Variants in MAPK10 observed in about 807,000 individuals in gnomAD.
MAPK10 encodes the protein JNK3 alpha protein kinase.
MAPK10 carries 25 observed loss-of-function variants against 59.3 expected under a neutral mutation model. That is an observed-to-expected ratio of 0.42 (90% CI 0.31 to 0.59). The LOEUF (loss-of-function observed/expected upper bound fraction) is 0.59, where lower values mean the gene tolerates loss of function less well. Ranked by LOEUF, MAPK10 falls within the 20% of genes least tolerant of loss-of-function variation. The pLI is 0.15. For missense variants in MAPK10, 351 were observed against 568.9 expected, an observed-to-expected ratio of 0.62 and a Z score of 3.90; for synonymous variants, 190 against 200.5, an observed-to-expected ratio of 0.95 and a Z score of 0.44.
intron 2 of MAPK10, among the ~76,000 whole-genome samples, chr4:86,246,311 G>A (rs766141736): frequency 6.6e-6 from 1 of 151,898 alleles, no homozygotes; most frequent in African/African-American, 2.4e-5. Context: ...GGTACCTGTG[G>A]TCCCAGCTAC....
intron 1 of MAPK10, among the ~76,000 whole-genome samples, chr4:86,389,380 T>C (rs1406762436): frequency 6.6e-6 from 1 of 152,234 alleles, no homozygotes; most frequent in African/African-American, 2.4e-5. Flanking sequence ...AATGGATTAA[T>C]ACAATATGAT....
chr4:86,292,620 G>T (rs1027922977), intron 2 of MAPK10, among the ~76,000 whole-genome samples: 1 of 152,184 alleles, frequency 6.6e-6, no homozygotes, highest in Non-Finnish European at 1.5e-5. Context: ...TACTCAGAAG[G>T]CAGAGAGAGT....
chr4:86,579,885 C>A (rs892233982), intron 1 of MAPK10, among the ~76,000 whole-genome samples: 1 of 152,142 alleles, frequency 6.6e-6, no homozygotes, highest in African/African-American at 2.4e-5. Flanking sequence ...ACGATCACAG[C>A]TCACTGTAAC....
At chr4:86,206,202 C>A (rs1393068156) in intron 2 of MAPK10, among the ~76,000 whole-genome samples, 2 of 151,794 alleles carry the variant, frequency 1.3e-5, no homozygotes, top group Non-Finnish European at 2.9e-5. Context: ...CCCGTCCCCC[C>A]ACCTCGCAAC....
intron 9 of MAPK10, among the ~76,000 whole-genome samples, chr4:86,086,931 A>G (rs968751763): frequency 3.9e-5 from 6 of 152,204 alleles, no homozygotes; most frequent in Non-Finnish European, 8.8e-5. Context: ...ATCAGAAGAC[A>G]TACTTTAGAA....
intron 2 of MAPK10, among the ~76,000 whole-genome samples, chr4:86,330,063 G>T (rs1232248499): frequency 6.6e-6 from 1 of 152,146 alleles, no homozygotes; most frequent in East Asian, 1.9e-4. Context: ...ATGAGTGTGT[G>T]TACACATGTG....
chr4:86,056,455 T>C (rs1010308468), intron 11 of MAPK10, among the ~76,000 whole-genome samples: 4 of 150,138 alleles, frequency 2.7e-5, no homozygotes, highest in African/African-American at 7.5e-5. Context: ...ATAAGTCTAT[T>C]CTTCACCATG....
intron 1 of MAPK10, among the ~76,000 whole-genome samples, chr4:86,486,934 A>G (rs147203783): frequency 9.2e-5 from 14 of 152,334 alleles, no homozygotes; most frequent in African/African-American, 2.6e-4. Flanking sequence ...ATGCAGCAAG[A>G]AAGGCACGAT....
intron 1 of MAPK10, among the ~76,000 whole-genome samples, chr4:86,464,415 CT>C (rs1285241292): frequency 6.6e-5 from 10 of 152,188 alleles, no homozygotes; most frequent in Non-Finnish European, 1.2e-4. Context: ...ATTTCTGATT[CT>C]TCACACGTGG....
At chr4:86,332,000 C>T (rs1403305490) in intron 2 of MAPK10, among the ~76,000 whole-genome samples, 1 of 152,100 alleles carries the variant, frequency 6.6e-6, no homozygotes, top group Non-Finnish European at 1.5e-5. Flanking sequence ...ATTCCCTTTA[C>T]ATTTTTAATG....
chr4:86,083,740 A>C (rs1260972266), intron 9 of MAPK10, among the ~76,000 whole-genome samples: 3 of 152,118 alleles, frequency 2.0e-5, no homozygotes, highest in Non-Finnish European at 4.4e-5. Context: ...GGGTGCTGGC[A>C]TCACCCCTCC....
At chr4:86,403,377 G>A (rs185389886) in intron 1 of MAPK10, among the ~76,000 whole-genome samples, 11 of 152,238 alleles carry the variant, frequency 7.2e-5, no homozygotes, top group Non-Finnish European at 1.3e-4. Flanking sequence ...TTAGCTGGGC[G>A]TGGTGGCACC....
intron 1 of MAPK10, among the ~76,000 whole-genome samples, chr4:86,568,466 A>T (rs182643425): frequency 3.3e-5 from 5 of 152,264 alleles, no homozygotes; most frequent in Admixed American, 3.3e-4. Context: ...AAAAATAAAA[A>T]CGGCCCAAGT....
intron 2 of MAPK10, among the ~76,000 whole-genome samples, chr4:86,265,665 G>C (rs891117332): frequency 1.6e-5 from 2 of 126,568 alleles, no homozygotes; most frequent in Non-Finnish European, 3.1e-5. Flanking sequence ...GCTTTGTTTC[G>C]GGCAGTAAGA....
chr4:86,570,347 A>C (rs531904730), intron 1 of MAPK10, among the ~76,000 whole-genome samples: 2 of 152,334 alleles, frequency 1.3e-5, no homozygotes, highest in African/African-American at 4.8e-5. Context: ...TATTACAGAT[A>C]AATCTGATGA....
At position 86,553,086 on chromosome 4, in the gene MAPK10, G is replaced by C. The variant is rs72665748; in HGVS notation, c.-263+40824C>G. ...TGAAAACTTTTTTCAACAAAAATAGGATGCTGACAGACATGGCTTTTTGAA... is the reference window on the plus strand; with the variant it reads ...TGAAAACTTTTTTCAACAAAAATAGCATGCTGACAGACATGGCTTTTTGAA... On this transcript the variant is annotated intron_variant, in intron 1 of 4. Transcript: ENST00000502302. Among the ~76,000 whole-genome samples the C allele has an allele frequency of 7.7e-3, 1,168 of 152,256 alleles. 4 individuals carry two copies. Among genetic ancestry groups the C allele is most frequent in the Non-Finnish European group, 0.014 (933 of 68,016 alleles).
At chr4:86,566,170 A>C (rs940798035) in intron 1 of MAPK10, among the ~76,000 whole-genome samples, 2 of 152,144 alleles carry the variant, frequency 1.3e-5, no homozygotes, top group Admixed American at 1.3e-4. Flanking sequence ...TCCTCCATCC[A>C]TTCACTTGGT....
chr4:86,208,791 A>G (rs1248340539), intron 2 of MAPK10, among the ~76,000 whole-genome samples: 1 of 152,160 alleles, frequency 6.6e-6, no homozygotes, highest in Non-Finnish European at 1.5e-5. Flanking sequence ...GAAAAGAGGA[A>G]GTCAAATTGT....
At chr4:86,182,982 G>A (rs2077242760) in intron 3 of MAPK10, among the ~76,000 whole-genome samples, 1 of 151,956 alleles carries the variant, frequency 6.6e-6, no homozygotes. Flanking sequence ...AATGTAGAAA[G>A]TTGAACTGAA....
Sources: gnomAD v4.1 joint callset for allele counts (sites outside exome capture counted in the v4.1 genomes callset) on GRCh38, gnomAD v4.1.1 for gene constraint, MANE v1.5 for transcripts, NCBI Gene and HGNC (gene_info 2026-07-23, HGNC 2026-07-21) for gene names.